SEC14L3: variants seen among roughly 807,000 people sequenced by gnomAD.
SEC14L3 encodes the protein SEC14 like lipid binding 3.
A neutral mutation model predicts 57.4 loss-of-function variants in SEC14L3; 56 were observed. That is an observed-to-expected ratio of 0.97 (90% CI 0.79 to 1.22). The LOEUF (loss-of-function observed/expected upper bound fraction) is 1.22, where lower values mean the gene tolerates loss of function less well. SEC14L3 is among the 50% of genes most tolerant of loss of function. The pLI, the probability that SEC14L3 is intolerant of heterozygous loss-of-function variation, is 0.00. For missense variants in SEC14L3, 485 were observed against 511.7 expected, an observed-to-expected ratio of 0.95 and a Z score of 0.50; for synonymous variants, 173 against 194.4, an observed-to-expected ratio of 0.89 and a Z score of 0.92.
intron 12 of SEC14L3, among the ~76,000 whole-genome samples, chr22:30,450,572 G>A (rs958676676): frequency 3.9e-5 from 6 of 152,210 alleles, no homozygotes; most frequent in African/African-American, 1.4e-4. Context: ...CAAAGTGCTG[G>A]GATTACAGGC....
At chr22:30,458,098 C>T (rs984223243), downstream of SEC14L3, among the ~76,000 whole-genome samples, 3 of 152,240 alleles carry the variant, frequency 2.0e-5, no homozygotes, top group Admixed American at 2.0e-4. Flanking sequence ...CAAGGAGCCT[C>T]TCATGGCACC....
chr22:30,456,086 T>C (rs1300582303), downstream of SEC14L3, among the ~76,000 whole-genome samples: 1 of 152,014 alleles, frequency 6.6e-6, no homozygotes. Context: ...GGTGTGTGGA[T>C]CACCTGAAGC....
chr22:30,464,404 A>G (rs1483498422), intron 8 of SEC14L3, among the ~76,000 whole-genome samples: 1 of 152,202 alleles, frequency 6.6e-6, no homozygotes, highest in African/African-American at 2.4e-5. Context: ...ACTGTTGGGA[A>G]GAAGGAGCCT....
At chr22:30,461,909 A>G in intron 9 of SEC14L3, 177 bp downstream of exon 9, 1 of 486,630 alleles carries the variant, frequency 2.1e-6, no homozygotes, top group Non-Finnish European at 2.7e-6. Context: ...AAATTCGCCT[A>G]TTTCTTGTTT....
At position 30,470,262 on chromosome 22, in the gene SEC14L3, GA is replaced by G; in HGVS notation, c.131-8del. ...TGCAAGTCAAAATTCCGAGCTGTGG[GA>G]AAACAGAAGGAAGGTGTGAGACAGG... is the stretch of plus-strand genomic sequence containing the variant. On this transcript the variant is annotated splice_polypyrimidine_tract_variant and splice_region_variant and intron_variant, in intron 2 of 11. Transcript: ENST00000215812. 6.2e-7 allele frequency: 1 copy of G among 1,612,654 alleles called. No individual in the cohort carries two copies. The highest frequency in any genetic ancestry group is 8.5e-7 in the Non-Finnish European group (1 of 1,179,424).
At chr22:30,458,176 G>T (rs1384993498), downstream of SEC14L3, among the ~76,000 whole-genome samples, 1 of 152,194 alleles carries the variant, frequency 6.6e-6, no homozygotes, top group Non-Finnish European at 1.5e-5. Context: ...GTTGTGTCAG[G>T]GACTGGGGCT....
downstream of SEC14L3, among the ~76,000 whole-genome samples, chr22:30,458,762 G>A (rs147075197): frequency 0.013 from 2,045 of 152,248 alleles, 46 homozygotes; most frequent in African/African-American, 0.046. Flanking sequence ...TGTTATCCCA[G>A]CACTTTGGGA....
chr22:30,457,997 T>A (rs1020682278), downstream of SEC14L3, among the ~76,000 whole-genome samples: 5 of 152,240 alleles, frequency 3.3e-5, no homozygotes, highest in African/African-American at 1.2e-4. Flanking sequence ...TGTGGGAAAG[T>A]GCTTGCTGCT....
Position 30,464,848 on chromosome 22 carries a change from G to T in SEC14L3, c.636C>A (p.Asp212Glu). Residue 212 changes from aspartate to glutamate, a missense_variant, in exon 8 of 12, where the codon GAC (aspartate) becomes GAA (glutamate). Coordinates refer to ENST00000215812, the MANE Select transcript of SEC14L3 (RefSeq NM_174975.5). ...CCAACACAATAATTTTCCTGCGAGTGTCCTCACTCAGGAATGGCTTCATGA... is the reference window on the plus strand; with the variant it reads ...CCAACACAATAATTTTCCTGCGAGTTTCCTCACTCAGGAATGGCTTCATGA... ...YNLMKPFLSE[D>E]TRRKIIVLGN... is the part of the protein sequence containing the mutation. The T allele has an allele frequency of 6.2e-7, 1 of 1,614,116 alleles. No homozygotes were observed. The highest frequency in any genetic ancestry group is 1.1e-5 in the South Asian group (1 of 91,078).
At chr22:30,471,209 TG>T (rs1569233106) in intron 1 of SEC14L3, 3 of 429,212 alleles carry the variant, frequency 7.0e-6, no homozygotes, top group East Asian at 7.4e-5. Flanking sequence ...TGCTTGAACC[TG>T]GGAGACAGAG....
Position 30,464,844 on chromosome 22 carries a change from G to T in SEC14L3, c.640C>A (p.Arg214Ser), listed in dbSNP as rs115090125. ...CTTCCCAACACAATAATTTTCCTGC[G>T]AGTGTCCTCACTCAGGAATGGCTTC... ...LMKPFLSEDT[R>S]RKIIVLGNNW... The change falls in exon 8 of 12, where the codon CGC (arginine) becomes AGC (serine). Residue 214 changes from arginine to serine, a missense_variant. By Grantham distance (110) the Arg-to-Ser change is moderately radical (BLOSUM62 -1). Coordinates refer to ENST00000215812, the MANE Select transcript of SEC14L3 (RefSeq NM_174975.5). The T allele has an allele frequency of 6.2e-7, 1 of 1,614,088 alleles. No individual in the cohort carries two copies. The highest frequency in any genetic ancestry group is 8.5e-7 in the Non-Finnish European group (1 of 1,179,980).
chr22:30,451,985 C>A (rs1934989759), intron 12 of SEC14L3, among the ~76,000 whole-genome samples: 2 of 79,486 alleles, frequency 2.5e-5, no homozygotes, highest in African/African-American at 5.7e-5. Context: ...GAGTAAGACT[C>A]CATCTCAAAA....
intron 12 of SEC14L3, chr22:30,449,391 AT>A: frequency 8.2e-7 from 1 of 1,218,012 alleles, no homozygotes; most frequent in Non-Finnish European, 1.1e-6. Flanking sequence ...ATAGAATGAC[AT>A]TATACAATAA....
At chr22:30,464,453 T>C (rs1053272582) in intron 8 of SEC14L3, among the ~76,000 whole-genome samples, 18 of 152,072 alleles carry the variant, frequency 1.2e-4, no homozygotes, top group Admixed American at 9.2e-4. Context: ...GTTTTTGAGA[T>C]AGGTTCTCAC....
At chr22:30,461,148 G>A (rs1398317537) in intron 11 of SEC14L3, among the ~76,000 whole-genome samples, 162 bp downstream of exon 11, 1 of 152,230 alleles carries the variant, frequency 6.6e-6, no homozygotes, top group Non-Finnish European at 1.5e-5. Flanking sequence ...AGGTGCTCAT[G>A]AATATGGACT....
At chr22:30,457,378 T>C (rs9608932), downstream of SEC14L3, among the ~76,000 whole-genome samples, 1,011 of 15,212 alleles carry the variant, frequency 0.066, 202 homozygotes, top group East Asian at 0.24. Flanking sequence ...TAAGTATGTC[T>C]TTTTTTTTTT....
Position 30,462,129 on chromosome 22 carries a change from C to G in SEC14L3, c.728G>C (p.Gly243Ala). ...GTTCCCATCTGGGTCAGTCAGGGTGCCCCCAAACTGGGCAGGCAGTTCCTC... is the reference window on the plus strand; with the variant it reads ...GTTCCCATCTGGGTCAGTCAGGGTGGCCCCAAACTGGGCAGGCAGTTCCTC... ...SPEELPAQFG[G>A]TLTDPDGNPK... The change falls in exon 9 of 12, where the codon GGC becomes GCC. Residue 243 changes from glycine (G) to alanine (A), a missense_variant. Physicochemically the swap from Gly to Ala is moderately conservative, Grantham distance 60 (BLOSUM62 0). Coordinates refer to ENST00000215812, the MANE Select transcript of SEC14L3 (RefSeq NM_174975.5). 6.2e-7 allele frequency: 1 copy of G among 1,614,138 alleles called. No homozygotes were observed. Among genetic ancestry groups the G allele is most frequent in the Non-Finnish European group, 8.5e-7 (1 of 1,180,014 alleles).
intron 5 of SEC14L3, among the ~76,000 whole-genome samples, chr22:30,467,514 A>C (rs1270559519): frequency 6.6e-6 from 1 of 152,186 alleles, no homozygotes; most frequent in Non-Finnish European, 1.5e-5. Flanking sequence ...GTCCTTAAAA[A>C]GTTCACTGTC....
downstream of SEC14L3, among the ~76,000 whole-genome samples, chr22:30,454,568 T>TTAG (rs1224059712): frequency 8.2e-6 from 1 of 121,546 alleles, no homozygotes; most frequent in African/African-American, 3.3e-5. Context: ...AATAATATTA[T>TTAG]ATATAATCTA....
Sources: allele counts gnomAD v4.1 joint callset (sites outside exome capture counted in the v4.1 genomes callset), GRCh38; gene constraint gnomAD v4.1.1; transcripts MANE v1.5; gene names NCBI Gene and HGNC (gene_info 2026-07-23, HGNC 2026-07-21).